RCC1: variants seen among roughly 807,000 people sequenced by gnomAD.
RCC1 encodes the protein regulator of chromosome condensation.
A neutral mutation model predicts 44.4 loss-of-function variants in RCC1; 11 were observed. The ratio of observed to expected loss-of-function variants is 0.25; its 90% confidence interval spans 0.16 to 0.41. RCC1 has a LOEUF of 0.41. Among genes scored for constraint, RCC1 ranks in the 10% least tolerant of loss-of-function variants. The pLI, the probability that RCC1 is intolerant of heterozygous loss-of-function variation, is 1.00. For synonymous variants in RCC1, 213 were observed against 216.5 expected (o/e 0.98, Z 0.14); for missense variants, 386 against 547.1 (o/e 0.71, Z 2.94).
At chr1:28,508,682 G>A (rs999077184) in intron 2 of RCC1, 148 bp from the exon 3 acceptor site, 6 of 518,916 alleles carry the variant, frequency 1.2e-5, no homozygotes, top group Middle Eastern at 3.2e-4. Context: ...GCTGGGCCTC[G>A]TGTCTGCGCC....
intron 3 of RCC1, among the ~76,000 whole-genome samples, chr1:28,511,224 T>C (rs907419400): frequency 1.3e-5 from 2 of 152,126 alleles, no homozygotes; most frequent in African/African-American, 4.8e-5. Context: ...CTCAATTTCA[T>C]GTTCACAAAA....
At chr1:28,529,801 G>T in intron 4 of RCC1, 57 bp from the exon 5 acceptor site, 1 of 1,339,124 alleles carries the variant, frequency 7.5e-7, no homozygotes, top group East Asian at 2.3e-5. Flanking sequence ...AATATTGTCT[G>T]ATTGGCCCAG....
At chr1:28,527,012 T>G in intron 4 of RCC1, 1 of 828,898 alleles carries the variant, frequency 1.2e-6, no homozygotes, top group Non-Finnish European at 2.2e-6. Context: ...GGCTGTACCC[T>G]TAAAATAGGG....
intron 4 of RCC1, among the ~76,000 whole-genome samples, chr1:28,520,403 G>A (rs763464098): frequency 1.4e-4 from 21 of 152,184 alleles, no homozygotes; most frequent in Non-Finnish European, 2.5e-4. Context: ...CTAGACTGGC[G>A]TGCCTACCCA....
intron 4 of RCC1, among the ~76,000 whole-genome samples, chr1:28,519,852 T>G (rs1663159140): frequency 1.3e-5 from 2 of 151,220 alleles, no homozygotes; most frequent in Admixed American, 1.3e-4. Flanking sequence ...GAATTACAGG[T>G]GTGAGCCACC....
intron 4 of RCC1, among the ~76,000 whole-genome samples, chr1:28,521,116 C>G (rs1460182390): frequency 6.6e-6 from 1 of 152,030 alleles, no homozygotes; most frequent in Non-Finnish European, 1.5e-5. Context: ...GGAAAACACA[C>G]CCAGAGCAGT....
intron 3 of RCC1, among the ~76,000 whole-genome samples, chr1:28,512,599 G>A (rs1233452387): frequency 6.6e-6 from 1 of 151,978 alleles, no homozygotes; most frequent in African/African-American, 2.4e-5. Flanking sequence ...CTCATTGATT[G>A]GAGACCTTTC....
chr1:28,511,968 G>C (rs1055896233), intron 3 of RCC1, among the ~76,000 whole-genome samples: 4 of 140,264 alleles, frequency 2.9e-5, no homozygotes, highest in Admixed American at 1.4e-4. Flanking sequence ...CTAGCCTCAA[G>C]CCTGATCCTT....
At chr1:28,523,635 C>T (rs141474019) in intron 4 of RCC1, among the ~76,000 whole-genome samples, 181 of 152,294 alleles carry the variant, frequency 1.2e-3, no homozygotes, top group African/African-American at 4.2e-3. Context: ...CATGGCAGCC[C>T]AGCCATCAGC....
intron 7 of RCC1, chr1:28,532,697 G>A (rs1478758120): frequency 2.0e-6 from 1 of 487,880 alleles, no homozygotes; most frequent in Non-Finnish European, 4.0e-6. Flanking sequence ...ACACTTCCCA[G>A]AGGCTTGGAT....
chr1:28,528,844 CTTTTTTTTTT>C (rs59005617), intron 4 of RCC1, among the ~76,000 whole-genome samples: 7 of 87,228 alleles, frequency 8.0e-5, no homozygotes, highest in Non-Finnish European at 1.3e-4. Flanking sequence ...GTTTTTCTTC[CTTTTTTTTTT>C]TTTTTTTTTT....
Position 28,536,930 on chromosome 1 carries a change from T to G in RCC1, c.1090+31T>G. 1 of 1,612,218 alleles carries G rather than the reference T, an allele frequency of 6.2e-7. No individual in the cohort carries two copies. Among genetic ancestry groups the G allele is most frequent in the Non-Finnish European group, 8.5e-7 (1 of 1,179,062 alleles). ...TGGGGCTGCCTACACTCTGTCTAGT[T>G]GGGACCTGGGGGTCATGGTTCTTAC... On this transcript the variant is annotated intron_variant, in intron 12 of 12. Transcript: ENST00000683442. The surrounding 1 kb of genome is among the most constrained non-coding windows in gnomAD (Gnocchi z 4.9).
At chr1:28,517,229 A>T (rs1173225015) in intron 4 of RCC1, among the ~76,000 whole-genome samples, 1 of 152,194 alleles carries the variant, frequency 6.6e-6, no homozygotes, top group Non-Finnish European at 1.5e-5. Flanking sequence ...GAAATCGAGA[A>T]AACGTCCTTT....
chr1:28,530,719 C>T (rs1272984106), intron 5 of RCC1: 7 of 877,794 alleles, frequency 8.0e-6, no homozygotes, highest in Admixed American at 3.0e-5. Context: ...CCCGGGGCTG[C>T]GGGTTGGGGG....
chr1:28,532,961 A>ACTGTTGGCAAGGC (rs1241521289), intron 7 of RCC1, among the ~76,000 whole-genome samples: 1 of 151,916 alleles, frequency 6.6e-6, no homozygotes. Flanking sequence ...GATTACAGGC[A>ACTGTTGGCAAGGC]TGCGCCACCA....
chr1:28,515,948 G>C (rs972918187), intron 3 of RCC1, among the ~76,000 whole-genome samples: 2 of 152,028 alleles, frequency 1.3e-5, no homozygotes, highest in African/African-American at 2.4e-5. Context: ...TTGGTAGGCT[G>C]AGGCGGGTGG....
At chr1:28,507,938 T>A (rs1662149511) in intron 1 of RCC1, 190 bp from the exon 2 acceptor site, 1 of 297,556 alleles carries the variant, frequency 3.4e-6, no homozygotes, top group Non-Finnish European at 6.7e-6. Flanking sequence ...TTAAGAAAAA[T>A]TGGCTAAAAA....
chr1:28,513,258 G>T (rs780813751), intron 3 of RCC1, among the ~76,000 whole-genome samples: 1 of 151,830 alleles, frequency 6.6e-6, no homozygotes, highest in Admixed American at 6.6e-5. Context: ...GCAGTGATGC[G>T]ATCTCAGCTC....
At chr1:28,515,405 CAG>C (rs766696350) in intron 3 of RCC1, among the ~76,000 whole-genome samples, 17 of 151,872 alleles carry the variant, frequency 1.1e-4, no homozygotes, top group Non-Finnish European at 2.1e-4. Flanking sequence ...GCCTGGATGA[CAG>C]AGTGAGACTC....
Sources: gnomAD v4.1 joint callset for allele counts (sites outside exome capture counted in the v4.1 genomes callset) on GRCh38, gnomAD v4.1.1 for gene constraint, Gnocchi (gnomAD v3.1) non-coding constraint, MANE v1.5 for transcripts, NCBI Gene and HGNC (gene_info 2026-07-23, HGNC 2026-07-21) for gene names.